Variants in CEP55 observed in about 807,000 individuals in gnomAD.
The protein encoded by CEP55 is centrosomal protein of 55 kDa.
In CEP55, 57 loss-of-function variants were observed where a neutral mutation model predicts 63.2. The ratio of observed to expected loss-of-function variants is 0.90; its 90% CI spans 0.73 to 1.13. The LOEUF (loss-of-function observed/expected upper bound fraction) is 1.13. CEP55 is among the 50% of genes most tolerant of loss of function. The pLI is 0.00. For missense variants in CEP55, 456 were observed against 518.9 expected (o/e 0.88, Z 1.18); for synonymous variants, 178 against 191.6 (o/e 0.93, Z 0.59).
At position 93,500,329 on chromosome 10, in the gene CEP55, C is replaced by G. The variant is rs948111583; in HGVS notation, c.183+95C>G. 3 of 1,035,918 alleles carry G rather than the reference C, an allele frequency of 2.9e-6. No individual in the cohort carries two copies. In the African/African-American group the frequency reaches 4.9e-5, roughly 17 times the overall value. 64.2% of individuals were successfully genotyped at this position (1,035,918 alleles called of 1,614,324 possible). A position where few individuals can be genotyped will look rare whatever the true frequency, so the allele number is the denominator to read the frequency against. On this transcript the variant is annotated intron_variant, in intron 2 of 8. Transcript: ENST00000371485. Reference sequence around the variant, plus strand: ...TACCTTCTTACTCTTGCCGTGTTCCCTGTCTTGTCCAGTTGATTAGTTTTG... The same window carrying G: ...TACCTTCTTACTCTTGCCGTGTTCCGTGTCTTGTCCAGTTGATTAGTTTTG...
At chr10:93,504,819 A>G (rs1487552957) in intron 3 of CEP55, among the ~76,000 whole-genome samples, 1 of 152,062 alleles carries the variant, frequency 6.6e-6, no homozygotes, top group African/African-American at 2.4e-5. Flanking sequence ...ATTTTTATTT[A>G]TTTTTTATTT....
intron 3 of CEP55, among the ~76,000 whole-genome samples, chr10:93,504,245 G>C (rs1173217395): frequency 6.6e-6 from 1 of 152,160 alleles, no homozygotes. Context: ...GGCCAAGGCA[G>C]GCAGATCACC....
chr10:93,512,219 T>A (rs1589652243), intron 4 of CEP55, among the ~76,000 whole-genome samples: 3 of 39,930 alleles, frequency 7.5e-5, no homozygotes, highest in African/African-American at 1.8e-4. Context: ...AGAGCGAGAC[T>A]CCGTTTCAAA....
chr10:93,518,348 C>G (rs111793713), intron 6 of CEP55, among the ~76,000 whole-genome samples: 6 of 152,138 alleles, frequency 3.9e-5, no homozygotes, highest in African/African-American at 1.4e-4. Context: ...TGGGGTTTCA[C>G]CATGTTGGCC....
intron 8 of CEP55, 80 bp downstream of exon 8, chr10:93,519,887 C>A: frequency 6.8e-7 from 1 of 1,481,312 alleles, no homozygotes; most frequent in Non-Finnish European, 9.4e-7. Flanking sequence ...TAGGAGGATA[C>A]AGCTTAACAC....
At chr10:93,521,210 G>A (rs2057858390) in intron 8 of CEP55, among the ~76,000 whole-genome samples, 1 of 152,160 alleles carries the variant, frequency 6.6e-6, no homozygotes, top group Admixed American at 6.5e-5. Context: ...GGAAAGGGGT[G>A]ACTGACGGCA....
chr10:93,519,647 T>G (rs2057837706), intron 7 of CEP55, 35 bp from the exon 8 acceptor site: 1 of 1,608,978 alleles, frequency 6.2e-7, no homozygotes, highest in Middle Eastern at 1.7e-4. Flanking sequence ...ACAGTCTGTA[T>G]CAGCTGTAAT....
intron 4 of CEP55, among the ~76,000 whole-genome samples, chr10:93,512,603 G>A (rs921728745): frequency 6.6e-6 from 1 of 151,542 alleles, no homozygotes; most frequent in South Asian, 2.1e-4. Flanking sequence ...GTGGACAAAT[G>A]TAAAATTTAG....
At chr10:93,497,718 G>T (rs142946678) in intron 1 of CEP55, among the ~76,000 whole-genome samples, 3 of 152,142 alleles carry the variant, frequency 2.0e-5, no homozygotes, top group Admixed American at 6.5e-5. Flanking sequence ...AGATTGTGTA[G>T]GGGTGGGGGT....
intron 1 of CEP55, among the ~76,000 whole-genome samples, chr10:93,499,152 C>T (rs1589644417): frequency 6.6e-6 from 1 of 152,118 alleles, no homozygotes; most frequent in South Asian, 2.1e-4. Flanking sequence ...TAATTCCTTT[C>T]ATGCCTGACT....
At chr10:93,514,062 G>A (rs1434379735) in intron 4 of CEP55, among the ~76,000 whole-genome samples, 1 of 151,504 alleles carries the variant, frequency 6.6e-6, no homozygotes, top group African/African-American at 2.4e-5. Flanking sequence ...TGCTACCTCA[G>A]CCTCCCAAGT....
intron 2 of CEP55, among the ~76,000 whole-genome samples, chr10:93,501,700 T>A (rs2057637218): frequency 6.6e-6 from 1 of 151,992 alleles, no homozygotes; most frequent in Non-Finnish European, 1.5e-5. Flanking sequence ...ATAAAATAAA[T>A]GGTTAAACAG....
chr10:93,508,793 C>T lies in CEP55; in HGVS notation c.528+1737C>T, dbSNP rs538690917. 2.6e-5 allele frequency among the ~76,000 whole-genome samples: 4 copies of T among 152,274 alleles called. No homozygotes were observed. The South Asian group carries it at 8.3e-4, about 32-fold the overall frequency. ...GGGTTGGGGGAGGACAGAATGGGGGCTGCCTGACCACTTTGTCTAAAATTA... is the reference window on the plus strand; with the variant it reads ...GGGTTGGGGGAGGACAGAATGGGGGTTGCCTGACCACTTTGTCTAAAATTA... On this transcript the variant is annotated intron_variant, in intron 4 of 8. Transcript: ENST00000371485.
Position 93,503,323 on chromosome 10 carries a change from T to C in CEP55, c.394T>C (p.Leu132=), listed in dbSNP as rs756232338. Residue 132 remains leucine, a synonymous_variant, in exon 3 of 9, where the codon TTG becomes CTG. Coordinates refer to ENST00000371485, the MANE Select transcript of CEP55 (RefSeq NM_018131.5). ...AGAGAAAGACGTATTGAAACAACAGTTGTCTGCTGCAACCTCACGAATTGC... is the reference window on the plus strand; with the variant it reads ...AGAGAAAGACGTATTGAAACAACAGCTGTCTGCTGCAACCTCACGAATTGC... The part of the protein sequence containing the change: ...SEEKDVLKQQ[L]SAATSRIAEL... 1.2e-6 allele frequency: 2 copies of C among 1,614,180 alleles called. No individual in the cohort carries two copies. Among genetic ancestry groups the C allele is most frequent in the African/African-American group, 1.3e-5 (1 of 75,050 alleles).
Position 93,503,325 on chromosome 10 carries a change from G to T in CEP55, c.396G>T (p.Leu132Phe). The change falls in exon 3 of 9, where the codon TTG becomes TTT. Residue 132 changes from leucine (L) to phenylalanine (F), a missense_variant. Physicochemically the swap from Leu to Phe is conservative, Grantham distance 22 (BLOSUM62 0). Coordinates refer to ENST00000371485, the MANE Select transcript of CEP55 (RefSeq NM_018131.5). ...AGAAAGACGTATTGAAACAACAGTT[G>T]TCTGCTGCAACCTCACGAATTGCTG... Reference protein sequence around the residue: ...SEEKDVLKQQLSAATSRIAEL... With the variant: ...SEEKDVLKQQFSAATSRIAEL... 6.2e-6 allele frequency: 10 copies of T among 1,614,212 alleles called. No individual in the cohort carries two copies. Among genetic ancestry groups the T allele is most frequent in the Non-Finnish European group, 7.6e-6 (9 of 1,180,040 alleles).
At chr10:93,501,928 G>T (rs2134456622) in intron 2 of CEP55, among the ~76,000 whole-genome samples, 1 of 152,154 alleles carries the variant, frequency 6.6e-6, no homozygotes, top group Non-Finnish European at 1.5e-5. Context: ...GAGAAGCACT[G>T]GATATTTTGT....
chr10:93,527,226 AAT>A (rs755236566), intron 8 of CEP55, among the ~76,000 whole-genome samples: 10 of 152,192 alleles, frequency 6.6e-5, no homozygotes, highest in Admixed American at 2.6e-4. Flanking sequence ...GGTATGATAG[AAT>A]ATCTTAGTCA....
chr10:93,520,585 A>T (rs984187460), intron 8 of CEP55, among the ~76,000 whole-genome samples: 1 of 152,138 alleles, frequency 6.6e-6, no homozygotes, highest in African/African-American at 2.4e-5. Context: ...TGTTTCTATG[A>T]TGAAATGGTT....
In CEP55 at chr10:93,517,009, C is replaced by A. The variant is rs1488471340; in HGVS notation, c.754C>A (p.Arg252=). Residue 252 remains arginine (R), a synonymous_variant, in exon 6 of 9, where the codon CGA becomes AGA. Transcript: ENST00000371485. ...TGCAAAAAAAGATCTTGAGGTTGAA[C>A]GACAAACCATAACTCAGCTGAGTTT... ...ASAKKDLEVE[R]QTITQLSFEL... 11 of 1,610,310 alleles carry A rather than the reference C, an allele frequency of 6.8e-6. No homozygotes were observed. Among genetic ancestry groups the A allele is most frequent in the Non-Finnish European group, 5.9e-6 (7 of 1,177,342 alleles).
Sources: gnomAD v4.1 joint callset for allele counts (sites outside exome capture counted in the v4.1 genomes callset) on GRCh38, gnomAD v4.1.1 for gene constraint, MANE v1.5 for transcripts, NCBI Gene and HGNC (gene_info 2026-07-23, HGNC 2026-07-21) for gene names.